Variants in NRXN3 observed in about 807,000 individuals in gnomAD.
NRXN3 encodes neurexin III.
NRXN3 carries 32 observed loss-of-function variants against 137.6 expected under a neutral mutation model. The observed-to-expected ratio is 0.23, with a 90% CI of 0.18 to 0.31. The LOEUF (loss-of-function observed/expected upper bound fraction) is 0.31, where lower values mean the gene tolerates loss of function less well. Ranked by LOEUF, NRXN3 falls within the 10% of genes least tolerant of loss-of-function variation. NRXN3 has a pLI of 1.00. For synonymous variants in NRXN3, 798 were observed against 784.5 expected, an observed-to-expected ratio of 1.02 and a Z score of -0.29; for missense variants, 1,574 against 2,062.5, an observed-to-expected ratio of 0.76 and a Z score of 4.59.
chr14:78,240,752 A>G (rs1157011944), intron 1 of NRXN3, among the ~76,000 whole-genome samples: 2 of 152,208 alleles, frequency 1.3e-5, no homozygotes, highest in Non-Finnish European at 2.9e-5. Context: ...GCCTTTCCTT[A>G]TAATGGATTT....
At chr14:78,435,809 C>T (rs1344972956) in intron 4 of NRXN3, among the ~76,000 whole-genome samples, 2 of 152,246 alleles carry the variant, frequency 1.3e-5, no homozygotes, top group Non-Finnish European at 2.9e-5. Flanking sequence ...GCCCAAGGCA[C>T]AACATCACAT....
At chr14:79,629,953 G>C (rs1050452981) in intron 16 of NRXN3, among the ~76,000 whole-genome samples, 4 of 151,958 alleles carry the variant, frequency 2.6e-5, no homozygotes, top group Non-Finnish European at 5.9e-5. Flanking sequence ...AAGAGTAAGG[G>C]GGTAGTTAAT....
intron 8 of NRXN3, among the ~76,000 whole-genome samples, chr14:78,738,934 A>T (rs1180428700): frequency 6.6e-6 from 1 of 152,160 alleles, no homozygotes; most frequent in African/African-American, 2.4e-5. Flanking sequence ...AACCCAGAAC[A>T]TTGCAGTAGC....
rs563386514 is a variant in NRXN3 at position 78,672,226 on chromosome 14, T to C, written c.1221+20900T>C. Among the ~76,000 whole-genome samples, 6 of 152,370 alleles carry C rather than the reference T, an allele frequency of 3.9e-5. No homozygotes were observed. The East Asian group carries it at 1.2e-3, about 29-fold the overall frequency. ...TGTGAGCATCTCCATCTAATGTTTC[T>C]GCCTAAATGCTGTTCTTCTCTAGAC... On this transcript the variant is annotated intron_variant, in intron 6 of 20. Transcript: ENST00000335750.
chr14:78,959,739 A>G (rs1050124691), intron 11 of NRXN3, among the ~76,000 whole-genome samples: 3 of 152,176 alleles, frequency 2.0e-5, no homozygotes, highest in Non-Finnish European at 4.4e-5. Context: ...CCCGCAGCCA[A>G]CCTGAATTAA....
intron 16 of NRXN3, among the ~76,000 whole-genome samples, chr14:79,517,295 T>G (rs927651012): frequency 9.2e-5 from 14 of 152,204 alleles, no homozygotes; most frequent in African/African-American, 3.1e-4. Flanking sequence ...AACTTTCTAT[T>G]GATATTTTTT....
intron 19 of NRXN3, among the ~76,000 whole-genome samples, chr14:79,753,723 T>C (rs756008195): frequency 6.6e-6 from 1 of 151,490 alleles, no homozygotes; most frequent in Non-Finnish European, 1.5e-5. Context: ...AGTATAATAA[T>C]AATAATAATA....
intron 15 of NRXN3, among the ~76,000 whole-genome samples, chr14:79,396,373 T>C (rs2153481286): frequency 6.6e-6 from 1 of 152,276 alleles, no homozygotes; most frequent in African/African-American, 2.4e-5. Flanking sequence ...ATATGCTTTA[T>C]AGAGCCTAAG....
chr14:78,345,948 G>A (rs1453063269), intron 4 of NRXN3, among the ~76,000 whole-genome samples: 1 of 152,164 alleles, frequency 6.6e-6, no homozygotes, highest in Non-Finnish European at 1.5e-5. Context: ...AGGGCCTGGG[G>A]CAGATGTGTC....
intron 15 of NRXN3, among the ~76,000 whole-genome samples, chr14:79,030,640 T>C (rs1449374359): frequency 6.9e-6 from 1 of 145,114 alleles, no homozygotes; most frequent in East Asian, 2.0e-4. Flanking sequence ...TGTGTCTTTT[T>C]TTTTTTTTTT....
At chr14:78,185,423 A>G (rs950453699) in intron 1 of NRXN3, among the ~76,000 whole-genome samples, 2 of 152,202 alleles carry the variant, frequency 1.3e-5, no homozygotes, top group Non-Finnish European at 2.9e-5. Flanking sequence ...CCAAATACAC[A>G]GGGGATCAAA....
At chr14:78,555,890 T>C (rs2096732741) in intron 4 of NRXN3, among the ~76,000 whole-genome samples, 1 of 152,232 alleles carries the variant, frequency 6.6e-6, no homozygotes, top group Non-Finnish European at 1.5e-5. Context: ...TATTCTTTTG[T>C]TTTTCAGATT....
chr14:78,328,974 T>G (rs1597384881), intron 4 of NRXN3, among the ~76,000 whole-genome samples: 1 of 152,126 alleles, frequency 6.6e-6, no homozygotes, highest in Admixed American at 6.6e-5. Flanking sequence ...ATCACAGCTT[T>G]AAAAAAACCA....
At chr14:78,532,551 T>C (rs567269402) in intron 4 of NRXN3, among the ~76,000 whole-genome samples, 3 of 151,936 alleles carry the variant, frequency 2.0e-5, no homozygotes, top group Non-Finnish European at 2.9e-5. Context: ...GATTTCTCTA[T>C]AATTCATTCT....
Position 79,096,003 on chromosome 14 carries a change from G to T in NRXN3, c.3262+107862G>T, listed in dbSNP as rs116725472. Among the ~76,000 whole-genome samples, 628 of 152,124 alleles carry T rather than the reference G, an allele frequency of 4.1e-3. 3 individuals carry two copies. The highest frequency in any genetic ancestry group is 0.014 in the African/African-American group (598 of 41,518). ...AATTTTTTACCAGTCTCCCAGTTGTGATATTCCCAGTTAGTTAATTGCTTT... is the reference window on the plus strand; with the variant it reads ...AATTTTTTACCAGTCTCCCAGTTGTTATATTCCCAGTTAGTTAATTGCTTT... On this transcript the variant is annotated intron_variant, in intron 15 of 20. Coordinates refer to ENST00000335750, the MANE Select transcript of NRXN3 (RefSeq NM_001330195.2).
chr14:78,780,018 GA>G (rs1394715216), intron 8 of NRXN3, among the ~76,000 whole-genome samples: 6 of 152,052 alleles, frequency 3.9e-5, no homozygotes, highest in Admixed American at 2.6e-4. Flanking sequence ...TGGGGGTGGG[GA>G]AAAACCCAAG....
chr14:79,335,965 T>C (rs144017498), intron 15 of NRXN3, among the ~76,000 whole-genome samples: 1 of 152,254 alleles, frequency 6.6e-6, no homozygotes, highest in African/African-American at 2.4e-5. Flanking sequence ...TTAGGGCAAA[T>C]ATCATAATAT....
intron 15 of NRXN3, among the ~76,000 whole-genome samples, chr14:79,233,629 T>C (rs1387055751): frequency 1.3e-5 from 2 of 151,824 alleles, no homozygotes; most frequent in Non-Finnish European, 2.9e-5. Flanking sequence ...CTTTTGAAAA[T>C]TGCAGTGGTC....
intron 4 of NRXN3, among the ~76,000 whole-genome samples, chr14:78,448,603 C>T (rs1239147764): frequency 6.6e-6 from 1 of 152,110 alleles, no homozygotes; most frequent in Non-Finnish European, 1.5e-5. Context: ...TGAACTGGGA[C>T]AAGGGTTGCA....
Sources: gnomAD v4.1 joint callset for allele counts (sites outside exome capture counted in the v4.1 genomes callset) on GRCh38, gnomAD v4.1.1 for gene constraint, MANE v1.5 for transcripts, NCBI Gene and HGNC (gene_info 2026-07-23, HGNC 2026-07-21) for gene names.